NCAPG: variants seen among roughly 807,000 people sequenced by gnomAD.
NCAPG encodes condensin complex subunit 3.
NCAPG carries 69 observed loss-of-function variants against 113.1 expected under a neutral mutation model. The ratio of observed to expected loss-of-function variants is 0.61; its 90% CI spans 0.50 to 0.75. NCAPG has a LOEUF of 0.75. NCAPG is among the 30% of genes least tolerant of loss of function. NCAPG has a pLI of 0.00. For missense variants in NCAPG, 1,058 were observed against 1,177.0 expected (o/e 0.90, Z 1.48); for synonymous variants, 370 against 415.8 (o/e 0.89, Z 1.34).
In NCAPG at chr4:17,811,830, T is replaced by C. The variant is rs1242504371; in HGVS notation, c.112-391T>C. On this transcript the variant is annotated intron_variant, in intron 1 of 20. Coordinates refer to ENST00000251496, the MANE Select transcript of NCAPG (RefSeq NM_022346.5). The surrounding 1 kb of genome is among the most constrained non-coding windows in gnomAD (Gnocchi z 5.3). Reference sequence around the variant, plus strand: ...AGGGCTTTGAGGATATGAGATAGGATGTGCAAGTTATCTCATAAAGAAACT... The same window carrying C: ...AGGGCTTTGAGGATATGAGATAGGACGTGCAAGTTATCTCATAAAGAAACT... Among the ~76,000 whole-genome samples the C allele has an allele frequency of 6.6e-6, 1 of 152,168 alleles. No homozygotes were observed. Among genetic ancestry groups the C allele is most frequent in the East Asian group, 1.9e-4 (1 of 5,192 alleles).
intron 3 of NCAPG, 45 bp downstream of exon 3, chr4:17,813,190 T>A: frequency 6.6e-7 from 1 of 1,505,462 alleles, no homozygotes; most frequent in Non-Finnish European, 9.0e-7. Flanking sequence ...GTTGATTTTG[T>A]TAAATTCTCA....
Position 17,834,515 on chromosome 4 carries a change from G to C in NCAPG, c.2101G>C (p.Asp701His). The change falls in exon 14 of 21, where the codon GAT becomes CAT. Residue 701 changes from aspartate to histidine, a missense_variant. By Grantham distance (81) the Asp-to-His change is moderately conservative. Transcript: ENST00000251496. ...TCTGAAACTCCTTTCTGATTTCTTA[G>C]ATAGTGAGGTAAGAAATAATCCAGT... ...NVLKLLSDFL[D>H]SEVSELRTGA... is the part of the protein sequence containing the mutation. 6.3e-7 allele frequency: 1 copy of C among 1,578,920 alleles called. No individual in the cohort carries two copies. Among genetic ancestry groups the C allele is most frequent in the Non-Finnish European group, 8.6e-7 (1 of 1,161,630 alleles).
chr4:17,818,158 C>G, intron 7 of NCAPG, 70 bp downstream of exon 7: 2 of 1,465,848 alleles, frequency 1.4e-6, no homozygotes, highest in Non-Finnish European at 1.8e-6. Context: ...AGTCCCCTTC[C>G]TCAAAGTCAT....
chr4:17,816,755 G>A lies in NCAPG; in HGVS notation c.776-506G>A, dbSNP rs184531253. On this transcript the variant is annotated intron_variant, in intron 5 of 20. Coordinates refer to ENST00000251496, the MANE Select transcript of NCAPG (RefSeq NM_022346.5). ...GATATTTTTGTAGGCTGTGGTATTT[G>A]GTGCTGAACCTTTTCCATTTTTATT... Among the ~76,000 whole-genome samples the A allele has an allele frequency of 1.5e-3, 236 of 152,296 alleles. 2 individuals are homozygous for A. Among genetic ancestry groups the A allele is most frequent in the Non-Finnish European group, 2.5e-3 (169 of 68,004 alleles).
intron 2 of NCAPG, 61 bp from the exon 3 acceptor site, chr4:17,812,856 A>G: frequency 7.4e-7 from 1 of 1,354,188 alleles, no homozygotes. Context: ...AGTTCAGATA[A>G]TATTGATTAT....
chr4:17,816,102 T>G (rs572358264), intron 5 of NCAPG, among the ~76,000 whole-genome samples: 53 of 152,138 alleles, frequency 3.5e-4, no homozygotes, highest in African/African-American at 1.3e-3. Flanking sequence ...TTCCCCAACA[T>G]TTTTGACACC....
Position 17,823,769 on chromosome 4 carries a change from T to G in NCAPG, c.1382T>G (p.Ile461Ser). The G allele has an allele frequency of 6.3e-7, 1 of 1,589,774 alleles. No homozygotes were observed. Among genetic ancestry groups the G allele is most frequent in the South Asian group, 1.1e-5 (1 of 88,466 alleles). Residue 461 changes from isoleucine (I) to serine (S), a missense_variant and splice_region_variant, in exon 9 of 21, where the codon ATT becomes AGT. Transcript: ENST00000251496. The stretch of plus-strand genomic sequence containing the variant: ...ATAGATGATAATAAGAGAACACAAA[T>G]TGTAAGTAATTTTCCTCATTGTTGA... ...IIIDDNKRTQIVTEIISEIRA... is the reference protein window; with the variant it reads ...IIIDDNKRTQSVTEIISEIRA...
intron 14 of NCAPG, among the ~76,000 whole-genome samples, chr4:17,836,842 C>CTAAG (rs1722117360): frequency 1.3e-5 from 2 of 151,954 alleles, no homozygotes; most frequent in South Asian, 4.3e-4. Flanking sequence ...CTTAGAAACC[C>CTAAG]TAAGCATTTA....
chr4:17,816,328 A>G (rs1721208944), intron 5 of NCAPG, among the ~76,000 whole-genome samples: 1 of 152,150 alleles, frequency 6.6e-6, no homozygotes, highest in Non-Finnish European at 1.5e-5. Context: ...TCAGGTGGTA[A>G]TGCTCGTTAG....
At chr4:17,815,460 C>T in intron 5 of NCAPG, 102 bp downstream of exon 5, 1 of 744,772 alleles carries the variant, frequency 1.3e-6, no homozygotes, top group East Asian at 2.9e-5. Flanking sequence ...GTAAGCCTGC[C>T]AGTCCCATGA....
Position 17,840,068 on chromosome 4 carries a change from T to C in NCAPG, c.2629-3T>C, listed in dbSNP as rs1295961824. The C allele has an allele frequency of 2.5e-6, 4 of 1,592,534 alleles. No homozygotes were observed. The highest frequency in any genetic ancestry group is 3.4e-6 in the Non-Finnish European group (4 of 1,173,276). ...AAAATGTTAATAATGTTTTCTTTTATAGCAAGTAAAAGATAGGACATGTCT... is the reference window on the plus strand; with the variant it reads ...AAAATGTTAATAATGTTTTCTTTTACAGCAAGTAAAAGATAGGACATGTCT... On this transcript the variant is annotated splice_polypyrimidine_tract_variant and splice_region_variant and intron_variant, in intron 17 of 20. Transcript: ENST00000251496.
chr4:17,820,061 T>A (rs951242511), intron 7 of NCAPG, among the ~76,000 whole-genome samples: 17 of 152,126 alleles, frequency 1.1e-4, no homozygotes, highest in African/African-American at 2.4e-5. Context: ...CAAAGTTTAA[T>A]AATATATATA....
intron 7 of NCAPG, among the ~76,000 whole-genome samples, chr4:17,820,453 T>A (rs1339882996): frequency 1.3e-5 from 2 of 151,672 alleles, no homozygotes. Context: ...TACAAAAAAA[T>A]TAGCTGGGCG....
At chr4:17,813,173 C>T in intron 3 of NCAPG, 28 bp downstream of exon 3, 1 of 1,549,586 alleles carries the variant, frequency 6.5e-7, no homozygotes, top group African/African-American at 1.4e-5. Context: ...AATCTTTTTT[C>T]AGATTTGTTG....
chr4:17,818,234 C>A, intron 7 of NCAPG, 146 bp downstream of exon 7: 3 of 726,510 alleles, frequency 4.1e-6, no homozygotes, highest in Non-Finnish European at 6.4e-6. Flanking sequence ...TACATCGAGT[C>A]TTTTTGAATA....
intron 6 of NCAPG, 63 bp downstream of exon 6, chr4:17,817,516 T>G: frequency 1.5e-6 from 2 of 1,357,038 alleles, no homozygotes; most frequent in Admixed American, 4.0e-5. Flanking sequence ...AATTTGTTTT[T>G]TTTCCTCCCC....
At position 17,831,097 on chromosome 4, in the gene NCAPG, A is replaced by C. The variant is rs750783949; in HGVS notation, c.1865A>C (p.His622Pro). 8 of 1,613,208 alleles carry C rather than the reference A, an allele frequency of 5.0e-6. No homozygotes were observed. The highest frequency in any genetic ancestry group is 6.8e-6 in the Non-Finnish European group (8 of 1,179,718). Residue 622 changes from histidine (H) to proline (P), a missense_variant, in exon 13 of 21, where the codon CAC becomes CCC. Transcript: ENST00000251496. ...GLQNQDFARK[H>P]FVLLLQVLQI... Reference sequence around the variant, plus strand: ...CAGAATCAGGATTTTGCAAGGAAACACTTCGTATTACTATTGCAGGTAGGA... The same window carrying C: ...CAGAATCAGGATTTTGCAAGGAAACCCTTCGTATTACTATTGCAGGTAGGA...
At position 17,843,633 on chromosome 4, in the gene NCAPG, C is replaced by A; in HGVS notation, c.*208C>A. The A allele has an allele frequency of 2.5e-6, 1 of 406,768 alleles. No individual in the cohort carries two copies. The highest frequency in any genetic ancestry group is 4.6e-6 in the Non-Finnish European group (1 of 219,734). 25.2% of individuals were successfully genotyped at this position (406,768 alleles called of 1,614,324 possible). ...AAAAAGTGTGCATCAGTCAGTCACACAGATTTATCACAATCTGAGGTGGGC... is the reference window on the plus strand; with the variant it reads ...AAAAAGTGTGCATCAGTCAGTCACAAAGATTTATCACAATCTGAGGTGGGC... On this transcript the variant is annotated 3_prime_UTR_variant, in exon 21 of 21. Transcript: ENST00000251496.
intron 11 of NCAPG, among the ~76,000 whole-genome samples, chr4:17,827,609 G>C (rs1721700685): frequency 6.6e-6 from 1 of 152,034 alleles, no homozygotes; most frequent in Non-Finnish European, 1.5e-5. Flanking sequence ...GAAGAGGAGA[G>C]ATTTGTGTAA....
Sources: gnomAD v4.1 joint callset for allele counts (sites outside exome capture counted in the v4.1 genomes callset) on GRCh38, gnomAD v4.1.1 for gene constraint, Gnocchi (gnomAD v3.1) non-coding constraint, MANE v1.5 for transcripts, NCBI Gene and HGNC (gene_info 2026-07-23, HGNC 2026-07-21) for gene names.